Variants in DMD observed in about 807,000 individuals in gnomAD.
DMD encodes the protein dystrophin, also known as mutant dystrophin.
A neutral mutation model predicts 330.1 loss-of-function variants in DMD; 63 were observed. That is an observed-to-expected ratio of 0.19 (90% CI 0.16 to 0.24). DMD has a LOEUF of 0.24. Ranked by LOEUF, DMD falls within the 10% of genes least tolerant of loss-of-function variation. DMD has a pLI of 1.00. For missense variants in DMD, 3,344 were observed against 2,684.1 expected, an observed-to-expected ratio of 1.25 and a Z score of -5.43; for synonymous variants, 1,223 against 959.8, an observed-to-expected ratio of 1.27 and a Z score of -5.07.
At chrX:32,236,462 C>T (rs1360931081) in intron 43 of DMD, among the ~76,000 whole-genome samples, 3 of 111,814 alleles carry the variant, frequency 2.7e-5, no homozygotes, top group Non-Finnish European at 5.6e-5. Flanking sequence ...TCACTTAGTA[C>T]GATATGGTTT....
chrX:32,080,306 A>C (rs1187657271), intron 44 of DMD, among the ~76,000 whole-genome samples: 1 of 112,433 alleles, frequency 8.9e-6, no homozygotes. Context: ...TGCTATAATT[A>C]CAGACAAAGG....
In DMD at chrX:31,906,682, A is replaced by G. The variant is rs184830986; in HGVS notation, c.6912+22914T>C. Among the ~76,000 whole-genome samples the G allele has an allele frequency of 3.6e-5, 4 of 111,809 alleles. No individual in the cohort carries two copies. The Admixed American group carries it at 3.8e-4, about 11-fold the overall frequency. ...TATCAGCCAGATTTAGTAAAACTGT[A>G]CAGTGAATTTTCCAGAGATATCCTT... On this transcript the variant is annotated intron_variant, in intron 47 of 78. Transcript: ENST00000357033.
At chrX:32,751,189 A>G (rs1171854399) in intron 7 of DMD, among the ~76,000 whole-genome samples, 1 of 111,751 alleles carries the variant, frequency 8.9e-6, no homozygotes, top group Non-Finnish European at 1.9e-5. Context: ...GAACTGGGTA[A>G]CAGGCAGAGG....
chrX:32,264,128 G>C (rs1215025923), intron 43 of DMD, among the ~76,000 whole-genome samples: 1 of 110,849 alleles, frequency 9.0e-6, no homozygotes, highest in Non-Finnish European at 1.9e-5. Context: ...TGAATCATGG[G>C]GGGTGGTCAC....
At chrX:32,467,046 GTCTTGACAAATAATAGATATTT>G (rs1219848843) in intron 23 of DMD, among the ~76,000 whole-genome samples, 7 of 112,009 alleles carry the variant, frequency 6.2e-5, no homozygotes, top group Non-Finnish European at 1.3e-4. Flanking sequence ...TAGGCCACTG[GTCTTGACAAATAATAGATATTT>G]TCATGCAGTA....
intron 1 of DMD, among the ~76,000 whole-genome samples, chrX:33,313,891 T>C (rs752436626): frequency 1.3e-4 from 15 of 111,474 alleles, no homozygotes; most frequent in African/African-American, 4.9e-4. Context: ...ATGTTTACCA[T>C]GAATTTCATA....
At chrX:32,898,534 T>C (rs2085937160) in intron 2 of DMD, among the ~76,000 whole-genome samples, 1 of 112,458 alleles carries the variant, frequency 8.9e-6, no homozygotes, top group Admixed American at 9.4e-5. Context: ...TATGGGCTGC[T>C]GGCTACTGTA....
chrX:31,370,337 C>T (rs377434581), intron 60 of DMD, among the ~76,000 whole-genome samples: 3 of 111,288 alleles, frequency 2.7e-5, no homozygotes, highest in Admixed American at 9.6e-5. Context: ...CTCTCAAAAC[C>T]GAACTATAAA....
At chrX:33,306,187 C>T (rs1177465626) in intron 1 of DMD, among the ~76,000 whole-genome samples, 2 of 111,928 alleles carry the variant, frequency 1.8e-5, no homozygotes, top group Non-Finnish European at 3.8e-5. Flanking sequence ...ATGCAGTTGT[C>T]TTCTTTACCA....
chrX:32,777,277 T>TGGGGGGGGGGGGGGGGGTGGGGGGG (rs546914107), intron 7 of DMD, among the ~76,000 whole-genome samples: 1 of 2,111 alleles, frequency 4.7e-4, no homozygotes, highest in Non-Finnish European at 7.0e-4. Context: ...GGTTTCTGGT[T>TGGGGGGGGGGGGGGGGGTGGGGGGG]GGGGGGGGAA....
rs994641747 is a variant in DMD at position 32,315,630 on chromosome X, C to T, written c.5923-5354G>A. On this transcript the variant is annotated intron_variant, in intron 41 of 78. Coordinates refer to ENST00000357033, the MANE Select transcript of DMD (RefSeq NM_004006.3). ...ATTCTGTGTCTCAGCAAATAAGATC[C>T]AGTGTTAATCATAGTCCTAAACCAG... Among the ~76,000 whole-genome samples the T allele has an allele frequency of 1.5e-4, 17 of 111,239 alleles. No homozygotes were observed. In the Admixed American group the frequency reaches 1.6e-3, roughly 11 times the overall value.
At chrX:32,773,891 T>C (rs2073890097) in intron 7 of DMD, among the ~76,000 whole-genome samples, 1 of 111,939 alleles carries the variant, frequency 8.9e-6, no homozygotes, top group Admixed American at 9.5e-5. Context: ...TATTTATACT[T>C]TAATTCCATT....
intron 2 of DMD, among the ~76,000 whole-genome samples, chrX:32,989,136 A>G (rs1350886027): frequency 8.9e-6 from 1 of 112,023 alleles, no homozygotes; most frequent in East Asian, 2.8e-4. Context: ...AAGAAGCTAA[A>G]AACTCACTTG....
intron 1 of DMD, among the ~76,000 whole-genome samples, chrX:33,287,236 T>G (rs2053446766): frequency 9.0e-6 from 1 of 111,342 alleles, no homozygotes; most frequent in Admixed American, 9.6e-5. Flanking sequence ...TGGATCTAAT[T>G]AATACAGGGT....
rs184043701 is a variant in DMD at position 31,989,698 on chromosome X, T to C, written c.6439-21184A>G. On this transcript the variant is annotated intron_variant, in intron 44 of 78. Transcript: ENST00000357033. Reference sequence around the variant, plus strand: ...TTTTTGCAACTCAGAAATGAACTTATATACAATGAAGAGCCTATTTTATTC... The same window carrying C: ...TTTTTGCAACTCAGAAATGAACTTACATACAATGAAGAGCCTATTTTATTC... Among the ~76,000 whole-genome samples, 15 of 111,961 alleles carry C rather than the reference T, an allele frequency of 1.3e-4. No individual in the cohort carries two copies. The East Asian group carries it at 3.9e-3, about 29-fold the overall frequency.
chrX:32,530,764 A>G (rs2047404419), intron 17 of DMD, among the ~76,000 whole-genome samples: 1 of 112,033 alleles, frequency 8.9e-6, no homozygotes, highest in South Asian at 3.7e-4. Context: ...CAATAAATTG[A>G]AAGTCCCTTT....
intron 11 of DMD, among the ~76,000 whole-genome samples, chrX:32,635,602 C>A (rs955825981): frequency 8.9e-6 from 1 of 112,108 alleles, no homozygotes; most frequent in Admixed American, 9.5e-5. Context: ...AAGCAACATT[C>A]ATTTAAAAGA....
intron 60 of DMD, among the ~76,000 whole-genome samples, chrX:31,381,768 G>A (rs925101822): frequency 2.7e-5 from 3 of 111,935 alleles, no homozygotes; most frequent in Non-Finnish European, 3.8e-5. Context: ...CCACTAGCCT[G>A]CCTCTTAGAA....
In DMD at chrX:32,393,095, T is replaced by C. The variant is rs769431783; in HGVS notation, c.4234-2914A>G. Among the ~76,000 whole-genome samples the C allele has an allele frequency of 2.2e-4, 25 of 112,310 alleles. No homozygotes were observed. In the South Asian group the frequency reaches 9.2e-3, roughly 41 times the overall value. On this transcript the variant is annotated intron_variant, in intron 30 of 78. Transcript: ENST00000357033. ...TCATAAATAACCAAAACACAGGCAT[T>C]AGTCCCTTCTTGAGTCAAAACTTTA...
Sources: allele counts gnomAD v4.1 joint callset (sites outside exome capture counted in the v4.1 genomes callset), GRCh38; gene constraint gnomAD v4.1.1; transcripts MANE v1.5; gene names NCBI Gene and HGNC (gene_info 2026-07-23, HGNC 2026-07-21).